KLHL29: variants seen among roughly 807,000 people sequenced by gnomAD.
KLHL29 encodes kelch like family member 29.
Under a neutral mutation model 80.4 loss-of-function variants are expected in KLHL29, and 21 were observed. That is an observed-to-expected ratio of 0.26 (90% CI 0.19 to 0.38). KLHL29 has a LOEUF of 0.38. Among genes scored for constraint, KLHL29 ranks in the 10% least tolerant of loss-of-function variants. The pLI is 1.00. For synonymous variants in KLHL29, 511 were observed against 526.8 expected (o/e 0.97, Z 0.41); for missense variants, 867 against 1,223.9 (o/e 0.71, Z 4.35).
Position 23,706,524 on chromosome 2 carries a change from G to A in KLHL29, c.2488G>A (p.Val830Ile). The change falls in exon 14 of 14, where the codon GTC becomes ATC. Residue 830 changes from valine (V) to isoleucine (I), a missense_variant. Physicochemically the swap from Val to Ile is conservative, Grantham distance 29. Transcript: ENST00000486442. The stretch of plus-strand genomic sequence containing the variant: ...CAAGATTTATGCAACTGGAGGTATT[G>A]TCAGCAGTGAAGGGCCCGCGCTGGG... Reference protein sequence around the residue: ...DGKIYATGGIVSSEGPALGNM... With the variant: ...DGKIYATGGIISSEGPALGNM... 2.6e-6 allele frequency: 4 copies of A among 1,535,936 alleles called. No individual in the cohort carries two copies. The highest frequency in any genetic ancestry group is 3.5e-6 in the Non-Finnish European group (4 of 1,146,280).
chr2:23,517,585 A>C (rs1665977168), intron 2 of KLHL29, among the ~76,000 whole-genome samples: 1 of 150,370 alleles, frequency 6.7e-6, no homozygotes, highest in Non-Finnish European at 1.5e-5. Context: ...TAACATTTGA[A>C]ATTTGGTCCT....
At chr2:23,686,456 A>C (rs1414230138) in intron 6 of KLHL29, among the ~76,000 whole-genome samples, 1 of 151,752 alleles carries the variant, frequency 6.6e-6, no homozygotes, top group East Asian at 1.9e-4. Flanking sequence ...CTCATCTATA[A>C]ATCAGGAAAT....
intron 3 of KLHL29, among the ~76,000 whole-genome samples, chr2:23,586,777 C>A (rs533721094): frequency 1.3e-5 from 2 of 152,264 alleles, no homozygotes; most frequent in East Asian, 3.9e-4. Flanking sequence ...TGCCCCTCAG[C>A]CTCGAGAGGG....
At chr2:23,469,939 TG>T (rs1664451012) in intron 1 of KLHL29, among the ~76,000 whole-genome samples, 1 of 151,386 alleles carries the variant, frequency 6.6e-6, no homozygotes, top group African/African-American at 2.4e-5. Context: ...TGGGGGGATA[TG>T]TGCCAGCATT....
At chr2:23,520,707 G>A (rs1558370316) in intron 2 of KLHL29, among the ~76,000 whole-genome samples, 1 of 152,166 alleles carries the variant, frequency 6.6e-6, no homozygotes, top group Non-Finnish European at 1.5e-5. Flanking sequence ...GTTTCACAGT[G>A]GATGAAAGTT....
At chr2:23,493,598 T>C (rs1452989009) in intron 2 of KLHL29, among the ~76,000 whole-genome samples, 1 of 152,156 alleles carries the variant, frequency 6.6e-6, no homozygotes, top group Admixed American at 6.5e-5. Flanking sequence ...TATGACTCTA[T>C]TCGAATATGC....
chr2:23,526,664 C>A (rs1163495471), intron 2 of KLHL29, among the ~76,000 whole-genome samples: 1 of 152,166 alleles, frequency 6.6e-6, no homozygotes, highest in Non-Finnish European at 1.5e-5. Flanking sequence ...AGAGCAGCAC[C>A]TTTGTGGCCT....
chr2:23,663,241 C>T (rs1670464367), intron 5 of KLHL29, among the ~76,000 whole-genome samples: 2 of 152,348 alleles, frequency 1.3e-5, no homozygotes, highest in Admixed American at 1.3e-4. Context: ...GCCCCTTTGG[C>T]CCAGTAGCAA....
rs1284465119 is a variant in KLHL29 at position 23,695,483 on chromosome 2, G to A, written c.1543-140G>A. ...CTAGACTTCCCTTCACCTCTGTCTA[G>A]GCTAGCAGAGTATCTACACTCCCAA... On this transcript the variant is annotated intron_variant, in intron 8 of 13. Transcript: ENST00000486442. The surrounding 1 kb of genome is among the most constrained non-coding windows in gnomAD (Gnocchi z 7.6). 3.0e-6 allele frequency: 2 copies of A among 665,960 alleles called. No individual in the cohort carries two copies. Among genetic ancestry groups the A allele is most frequent in the East Asian group, 5.5e-5 (2 of 36,342 alleles). 41.3% of individuals were successfully genotyped at this position (665,960 alleles called of 1,614,324 possible).
At chr2:23,481,556 G>A (rs1021918370) in intron 2 of KLHL29, among the ~76,000 whole-genome samples, 16 of 152,334 alleles carry the variant, frequency 1.1e-4, no homozygotes, top group South Asian at 2.1e-4. Context: ...CAGCAGCCTC[G>A]TTCTGTAACC....
chr2:23,476,420 G>A (rs1002974228), intron 2 of KLHL29, among the ~76,000 whole-genome samples: 2 of 152,174 alleles, frequency 1.3e-5, no homozygotes, highest in African/African-American at 2.4e-5. Flanking sequence ...GTTCCCCAGA[G>A]ATAACCATTT....
At chr2:23,511,498 AG>A (rs1160246637) in intron 2 of KLHL29, among the ~76,000 whole-genome samples, 1 of 152,162 alleles carries the variant, frequency 6.6e-6, no homozygotes, top group Non-Finnish European at 1.5e-5. Context: ...AGTCCCTGGA[AG>A]GTGGTGTTTC....
chr2:23,654,127 A>G (rs1418730328), intron 5 of KLHL29, among the ~76,000 whole-genome samples: 1 of 152,042 alleles, frequency 6.6e-6, no homozygotes, highest in Non-Finnish European at 1.5e-5. Context: ...AGATCGCACC[A>G]CTGCACTCTG....
At chr2:23,479,753 C>T (rs1314838378) in intron 2 of KLHL29, among the ~76,000 whole-genome samples, 1 of 152,220 alleles carries the variant, frequency 6.6e-6, no homozygotes, top group Non-Finnish European at 1.5e-5. Flanking sequence ...AGTCCTCCTC[C>T]CTCCCTCCCT....
intron 2 of KLHL29, among the ~76,000 whole-genome samples, chr2:23,532,300 A>T (rs567287788): frequency 8.3e-4 from 127 of 152,312 alleles, no homozygotes; most frequent in African/African-American, 2.9e-3. Flanking sequence ...AAACTCTATT[A>T]ACTCCCTGTA....
chr2:23,661,326 A>T (rs1670399982), intron 5 of KLHL29, among the ~76,000 whole-genome samples: 1 of 143,336 alleles, frequency 7.0e-6, no homozygotes, highest in Non-Finnish European at 1.5e-5. Flanking sequence ...TGGGTGACAG[A>T]TCAAGACCCT....
intron 1 of KLHL29, among the ~76,000 whole-genome samples, chr2:23,461,152 T>G (rs1572335371): frequency 1.3e-5 from 2 of 152,330 alleles, no homozygotes; most frequent in Non-Finnish European, 2.9e-5. Flanking sequence ...ATTATCCTGT[T>G]TAGTCTCCCA....
Position 23,475,562 on chromosome 2 carries a change from T to C in KLHL29, c.-151T>C, listed in dbSNP as rs538144879. On this transcript the variant is annotated splice_region_variant and 5_prime_UTR_variant, in exon 2 of 14. Transcript: ENST00000486442. ...ACTGTTTTTCCCTCTCTTTCTAGAC[T>C]ATCTGGCTTCCTGGTGATGCTCACG... The C allele has an allele frequency of 4.8e-5, 8 of 167,030 alleles. No homozygotes were observed. Among genetic ancestry groups the C allele is most frequent in the East Asian group, 1.9e-4 (1 of 5,148 alleles). The allele number at this position is 167,030 out of a possible 1,614,324, so 10.3% of individuals were successfully genotyped here. A position where few individuals can be genotyped will look rare whatever the true frequency, so the allele number is the denominator to read the frequency against.
rs561388002 is a variant in KLHL29, at chr2:23,400,454, T to G, written c.-154+14674T>G. ...CATTCTTGGGTGAGTTTGTAGCCTC[T>G]GAGTCCAACACTGAGGTCAGTGTCT... On this transcript the variant is annotated intron_variant, in intron 1 of 13. Transcript: ENST00000486442. 2.0e-5 allele frequency among the ~76,000 whole-genome samples: 3 copies of G among 152,336 alleles called. No homozygotes were observed. In the South Asian group the frequency reaches 6.2e-4, roughly 32 times the overall value.
Sources: allele counts gnomAD v4.1 joint callset (sites outside exome capture counted in the v4.1 genomes callset), GRCh38; gene constraint gnomAD v4.1.1; non-coding constraint Gnocchi (gnomAD v3.1); transcripts MANE v1.5; gene names NCBI Gene and HGNC (gene_info 2026-07-23, HGNC 2026-07-21).